Variants in MTSS1 observed in about 807,000 individuals in gnomAD.
The protein encoded by MTSS1 is MTSS I-BAR domain containing 1, also known as protein MTSS 1.
Under a neutral mutation model 79.0 loss-of-function variants are expected in MTSS1, and 18 were observed. The observed-to-expected ratio is 0.23, with a 90% CI of 0.16 to 0.34. The LOEUF (loss-of-function observed/expected upper bound fraction) is 0.34. MTSS1 is among the 10% of genes least tolerant of loss of function. MTSS1 has a pLI of 1.00. For synonymous variants in MTSS1, 341 were observed against 368.6 expected (o/e 0.93, Z 0.86); for missense variants, 815 against 986.2 (o/e 0.83, Z 2.33).
chr8:124,673,485 C>G (rs894911337), intron 3 of MTSS1: 2 of 152,136 alleles, frequency 1.3e-5, no homozygotes, highest in Admixed American at 6.5e-5. Context: ...CCAAGGGAAC[C>G]GAACCCACAG....
intron 3 of MTSS1, among the ~76,000 whole-genome samples, chr8:124,693,090 C>G (rs951954623): frequency 6.6e-6 from 1 of 152,008 alleles, no homozygotes; most frequent in African/African-American, 2.4e-5. Context: ...GGGAGACAAG[C>G]AGCAGATCCT....
chr8:124,635,600 G>T (rs1816832160), intron 3 of MTSS1, among the ~76,000 whole-genome samples: 1 of 152,172 alleles, frequency 6.6e-6, no homozygotes, highest in South Asian at 2.1e-4. Context: ...ATTCTAATCA[G>T]CAGCTTTCAG....
chr8:124,616,570 T>TA (rs1163811792), intron 3 of MTSS1, among the ~76,000 whole-genome samples: 1 of 152,026 alleles, frequency 6.6e-6, no homozygotes, highest in African/African-American at 2.4e-5. Context: ...GTGAGACACA[T>TA]AAGCAGACGG....
intron 6 of MTSS1, among the ~76,000 whole-genome samples, chr8:124,583,686 A>G (rs184548707): frequency 6.6e-6 from 1 of 152,324 alleles, no homozygotes; most frequent in East Asian, 1.9e-4. Context: ...AAGCCTAAGC[A>G]TCTTCCCTGG....
chr8:124,637,962 G>T (rs1221242939), intron 3 of MTSS1, among the ~76,000 whole-genome samples: 1 of 152,274 alleles, frequency 6.6e-6, no homozygotes, highest in African/African-American at 2.4e-5. Flanking sequence ...AAATTAAGGA[G>T]GTTAAGCAGG....
intron 3 of MTSS1, among the ~76,000 whole-genome samples, chr8:124,676,790 G>C (rs1825370070): frequency 6.6e-6 from 1 of 152,082 alleles, no homozygotes; most frequent in East Asian, 1.9e-4. Context: ...TTACTTGAAG[G>C]GGCAAAATGC....
At chr8:124,617,793 A>C (rs1165167491) in intron 3 of MTSS1, among the ~76,000 whole-genome samples, 1 of 152,230 alleles carries the variant, frequency 6.6e-6, no homozygotes, top group Non-Finnish European at 1.5e-5. Flanking sequence ...CCTCGCTTGA[A>C]GTAGTAACCT....
At chr8:124,687,580 C>G (rs1056052542) in intron 3 of MTSS1, among the ~76,000 whole-genome samples, 6 of 152,166 alleles carry the variant, frequency 3.9e-5, no homozygotes, top group African/African-American at 1.4e-4. Context: ...GGATGACTGG[C>G]ACACGCAGAG....
intron 1 of MTSS1, among the ~76,000 whole-genome samples, chr8:124,712,951 A>G (rs1831383578): frequency 6.6e-6 from 1 of 152,154 alleles, no homozygotes; most frequent in Admixed American, 6.5e-5. Flanking sequence ...CTGTTTTCTG[A>G]CATCTGGGTG....
chr8:124,557,442 A>G (rs7841224), intron 11 of MTSS1, among the ~76,000 whole-genome samples: 54,759 of 152,112 alleles, frequency 0.36, 10,583 homozygotes, highest in Non-Finnish European at 0.45. Context: ...GGGATTGACC[A>G]AAGTCCCCTG....
At chr8:124,609,380 G>A (rs545510102) in intron 3 of MTSS1, among the ~76,000 whole-genome samples, 1 of 152,292 alleles carries the variant, frequency 6.6e-6, no homozygotes, top group South Asian at 2.1e-4. Context: ...AACGTCTCAG[G>A]GCAAAGTGGC....
chr8:124,596,962 C>G (rs1832871359), intron 3 of MTSS1, among the ~76,000 whole-genome samples: 1 of 152,132 alleles, frequency 6.6e-6, no homozygotes. Context: ...CTCATCCTAA[C>G]TGGATTACAT....
chr8:124,600,023 C>T (rs114766094), intron 3 of MTSS1, among the ~76,000 whole-genome samples: 77 of 148,444 alleles, frequency 5.2e-4, no homozygotes, highest in African/African-American at 1.5e-3. Flanking sequence ...TAGGCTCAAA[C>T]GTAGATGGTT....
intron 4 of MTSS1, 32 bp downstream of exon 4, chr8:124,591,119 G>T: frequency 1.3e-6 from 2 of 1,583,388 alleles, no homozygotes; most frequent in Non-Finnish European, 1.7e-6. Flanking sequence ...CTGCAAGGGT[G>T]TTGGCGATCG....
chr8:124,596,445 G>A (rs1832775587), intron 3 of MTSS1, among the ~76,000 whole-genome samples: 1 of 152,332 alleles, frequency 6.6e-6, no homozygotes, highest in African/African-American at 2.4e-5. Context: ...CACAAAATCA[G>A]CCAGTATGAT....
chr8:124,639,282 G>C (rs1411687736), intron 3 of MTSS1, among the ~76,000 whole-genome samples: 2 of 152,118 alleles, frequency 1.3e-5, no homozygotes, highest in East Asian at 3.9e-4. Flanking sequence ...AGGTTGCAGT[G>C]AGCCAAGATC....
chr8:124,655,010 T>C (rs1443147213), intron 3 of MTSS1, among the ~76,000 whole-genome samples: 1 of 152,274 alleles, frequency 6.6e-6, no homozygotes, highest in African/African-American at 2.4e-5. Context: ...AGGCACTCTA[T>C]TCTTAATCAT....
intron 3 of MTSS1, 192 bp downstream of exon 3, chr8:124,699,334 C>T (rs1038567228): frequency 1.7e-6 from 1 of 577,300 alleles, no homozygotes; most frequent in Non-Finnish European, 3.1e-6. Flanking sequence ...TTCTTCTTCA[C>T]ATGTGCTTTA....
At chr8:124,596,146 T>A (rs1420283030) in intron 3 of MTSS1, among the ~76,000 whole-genome samples, 1 of 152,184 alleles carries the variant, frequency 6.6e-6, no homozygotes, top group Admixed American at 6.5e-5. Flanking sequence ...AACCTGCTCT[T>A]CCTCTGGGCC....
Sources: allele counts gnomAD v4.1 joint callset (sites outside exome capture counted in the v4.1 genomes callset), GRCh38; gene constraint gnomAD v4.1.1; transcripts MANE v1.5; gene names NCBI Gene and HGNC (gene_info 2026-07-23, HGNC 2026-07-21).